Variants in ATG4A observed in about 807,000 individuals in gnomAD.
ATG4A encodes autophagy related 4A cysteine peptidase, also known as cysteine protease ATG4A.
A neutral mutation model predicts 38.4 loss-of-function variants in ATG4A; 22 were observed. The ratio of observed to expected loss-of-function variants is 0.57; its 90% confidence interval spans 0.41 to 0.82. The LOEUF (loss-of-function observed/expected upper bound fraction) is 0.82, where lower values mean the gene tolerates loss of function less well. Among genes scored for constraint, ATG4A ranks in the 40% least tolerant of loss-of-function variants. The probability of loss-of-function intolerance (pLI) is 0.00; values close to 1 mark genes in which losing one functional copy is unlikely to be tolerated. For synonymous variants in ATG4A, 86 were observed against 100.7 expected, an observed-to-expected ratio of 0.85 and a Z score of 0.88; for missense variants, 220 against 290.0, an observed-to-expected ratio of 0.76 and a Z score of 1.75.
At chrX:108,131,736 C>T (rs1429588967) in intron 4 of ATG4A, among the ~76,000 whole-genome samples, 2 of 111,893 alleles carry the variant, frequency 1.8e-5, no homozygotes, top group Non-Finnish European at 3.8e-5. Flanking sequence ...TTTAAGATAT[C>T]TGCCTGGTGA....
At chrX:108,135,360 G>A (rs774035139) in intron 6 of ATG4A, among the ~76,000 whole-genome samples, 2 of 112,349 alleles carry the variant, frequency 1.8e-5, no homozygotes, top group East Asian at 5.6e-4. Flanking sequence ...AGAATATTAA[G>A]CTCCTGGGCA....
At position 108,115,118 on chromosome X, in the gene ATG4A, CGTGTGT is replaced by C. The variant is rs748772447; in HGVS notation, c.11-10930_11-10925del. 9.5e-3 allele frequency among the ~76,000 whole-genome samples: 855 copies of C among 90,167 alleles called. 8 individuals carry two copies. Among genetic ancestry groups the C allele is most frequent in the Non-Finnish European group, 0.016 (711 of 44,761 alleles). 78.3% of individuals were successfully genotyped at this position (90,167 alleles called of 115,157 possible). A position where few individuals can be genotyped will look rare whatever the true frequency, so the allele number is the denominator to read the frequency against. On this transcript the variant is annotated intron_variant, in intron 1 of 12. Transcript: ENST00000372232. ...GTATGTGTGCATGTGTGCATGTATG[CGTGTGT>C]GTGTGTGTGTGTGTGTGTGTGTGTG...
chrX:108,124,739 T>A (rs888267293), intron 1 of ATG4A, among the ~76,000 whole-genome samples: 1 of 112,395 alleles, frequency 8.9e-6, no homozygotes, highest in Non-Finnish European at 1.9e-5. Flanking sequence ...AATATTTATA[T>A]GATCAGAACA....
intron 9 of ATG4A, among the ~76,000 whole-genome samples, chrX:108,141,071 C>CATATATATATATATATATAT (rs139918190): frequency 1.1e-4 from 4 of 35,060 alleles, no homozygotes; most frequent in Admixed American, 4.4e-4. Context: ...TATATATATA[C>CATATATATATATATATATAT]ATATATATAT....
At chrX:108,103,052 G>A (rs2032065963) in intron 1 of ATG4A, among the ~76,000 whole-genome samples, 1 of 110,108 alleles carries the variant, frequency 9.1e-6, no homozygotes, top group Admixed American at 9.7e-5. Flanking sequence ...TGTCCTCATC[G>A]TTCAGCTCCC....
intron 1 of ATG4A, among the ~76,000 whole-genome samples, chrX:108,101,324 G>A (rs2032006848): frequency 1.8e-5 from 2 of 109,112 alleles, no homozygotes; most frequent in Non-Finnish European, 3.8e-5. Context: ...AATTTTATGA[G>A]GCTTTTCAGA....
At chrX:108,134,024 A>T (rs1321558092) in intron 4 of ATG4A, 33 bp from the exon 5 acceptor site, 1 of 1,086,774 alleles carries the variant, frequency 9.2e-7, no homozygotes, top group Non-Finnish European at 1.2e-6. Flanking sequence ...CAGTTATAAA[A>T]ATGTTTCTAA....
chrX:108,104,946 A>C (rs1337235895), intron 1 of ATG4A, among the ~76,000 whole-genome samples: 1 of 99,117 alleles, frequency 1.0e-5, no homozygotes, highest in African/African-American at 3.8e-5. Flanking sequence ...TTTTCAGTTC[A>C]GCTGTTATAT....
chrX:108,140,967 CATATATACACAT>C (rs2033237412), intron 9 of ATG4A, among the ~76,000 whole-genome samples: 1 of 84,268 alleles, frequency 1.2e-5, no homozygotes, highest in Admixed American at 1.4e-4. Flanking sequence ...CATATATACA[CATATATACACAT>C]ATATATACGT....
chrX:108,139,724 C>T (rs892331330), intron 9 of ATG4A, among the ~76,000 whole-genome samples: 1 of 112,362 alleles, frequency 8.9e-6, no homozygotes, highest in African/African-American at 3.2e-5. Flanking sequence ...TCTCTTCAGG[C>T]GGCTATAACA....
intron 1 of ATG4A, among the ~76,000 whole-genome samples, chrX:108,103,383 T>C (rs1323812012): frequency 4.5e-5 from 5 of 112,154 alleles, no homozygotes; most frequent in Non-Finnish European, 9.4e-5. Context: ...GATGACTGTA[T>C]ATGTATGGAT....
chrX:108,137,465 C>T (rs1453824928), intron 7 of ATG4A, among the ~76,000 whole-genome samples: 2 of 112,547 alleles, frequency 1.8e-5, no homozygotes, highest in African/African-American at 6.5e-5. Context: ...TCACCCTTGT[C>T]CAGGCGTGTG....
At chrX:108,091,730 C>T, upstream of ATG4A, 1 of 1,112,478 alleles carries the variant, frequency 9.0e-7, no homozygotes, top group South Asian at 1.8e-5. Context: ...ACAGACTTGG[C>T]CCCTAGCAGT....
intron 1 of ATG4A, among the ~76,000 whole-genome samples, chrX:108,094,554 A>C (rs1273820946): frequency 2.7e-5 from 3 of 111,668 alleles, no homozygotes; most frequent in African/African-American, 9.8e-5. Context: ...TGACCTTGAT[A>C]GTTTTAAGGA....
chrX:108,091,622 C>G (rs1032783433), upstream of ATG4A: 11 of 930,023 alleles, frequency 1.2e-5, no homozygotes, highest in African/African-American at 2.1e-4. Context: ...CACCAATCAC[C>G]GGCCTTCCTC....
rs920943186 is a variant in ATG4A, at chrX:108,131,958, G to A, written c.292+600G>A. On this transcript the variant is annotated intron_variant, in intron 4 of 12. Transcript: ENST00000372232. ...TCTGTCTCCCAGGCTGCAGTGCAGT[G>A]GTGCGATCTCGGCTCACTGCAACCT... Among the ~76,000 whole-genome samples the A allele has an allele frequency of 1.5e-4, 17 of 110,519 alleles. No homozygotes were observed. The Admixed American group carries it at 1.6e-3, about 11-fold the overall frequency.
intron 3 of ATG4A, among the ~76,000 whole-genome samples, chrX:108,129,663 T>C (rs1343678977): frequency 3.8e-5 from 4 of 105,815 alleles, no homozygotes; most frequent in Non-Finnish European, 7.8e-5. Flanking sequence ...CTCCGCCTCC[T>C]GGGTTCACGC....
chrX:108,100,578 C>T (rs989616232), intron 1 of ATG4A, among the ~76,000 whole-genome samples: 3 of 110,884 alleles, frequency 2.7e-5, no homozygotes, highest in African/African-American at 6.6e-5. Flanking sequence ...AAGTTTAGAT[C>T]GTTCCCTCTT....
At position 108,153,135 on chromosome X, in the gene ATG4A, G is replaced by A. The variant is rs1883411; in HGVS notation, c.1126+48G>A. ...TCAGCTAGCAGACCCACATATAGCA[G>A]TTGTTTTATGAGAAAGAAGAATTGT... On this transcript the variant is annotated intron_variant, in intron 12 of 12. Transcript: ENST00000372232. The A allele has an allele frequency of 0.45, 412,189 of 906,757 alleles. 71,456 individuals carry two copies. Among genetic ancestry groups the A allele is most frequent in the African/African-American group, 0.68 (34,764 of 50,957 alleles). 74.7% of individuals were successfully genotyped at this position (906,757 alleles called of 1,213,427 possible). A position where few individuals can be genotyped will look rare whatever the true frequency, so the allele number is the denominator to read the frequency against.
Sources: allele counts gnomAD v4.1 joint callset (sites outside exome capture counted in the v4.1 genomes callset), GRCh38; gene constraint gnomAD v4.1.1; transcripts MANE v1.5; gene names NCBI Gene and HGNC (gene_info 2026-07-23, HGNC 2026-07-21).